The following LARP4B variants were observed in gnomAD, a reference collection of about 807,000 sequenced individuals.
LARP4B encodes the protein la-related protein 4B.
Under a neutral mutation model 89.8 loss-of-function variants are expected in LARP4B, and 12 were observed. That is an observed-to-expected ratio of 0.13 (90% CI 0.09 to 0.22). LARP4B has a LOEUF of 0.22. LARP4B is among the 10% of genes least tolerant of loss of function. The pLI, the probability that LARP4B is intolerant of heterozygous loss-of-function variation, is 1.00. For missense variants in LARP4B, 757 were observed against 947.7 expected (o/e 0.80, Z 2.64); for synonymous variants, 367 against 363.3 (o/e 1.01, Z -0.12).
chr10:881,848 C>A (rs959256229), intron 3 of LARP4B, among the ~76,000 whole-genome samples: 1 of 152,184 alleles, frequency 6.6e-6, no homozygotes, highest in Non-Finnish European at 1.5e-5. Context: ...TAGGGCTCCT[C>A]GAAGACGTGT....
Position 884,502 on chromosome 10 carries a change from T to G in LARP4B, c.86A>C (p.Asn29Thr), listed in dbSNP as rs1835791961. 1 of 1,597,154 alleles carries G rather than the reference T, an allele frequency of 6.3e-7. No individual in the cohort carries two copies. The highest frequency in any genetic ancestry group is 8.6e-7 in the Non-Finnish European group (1 of 1,165,032). ...AGAAGTGGTTTGAGATATAGGACCA[T>G]TCATCTGTAAAATTGAAAACAAAGA... is the stretch of plus-strand genomic sequence containing the variant. ...QEGKDSAHLM[N>T]GPISQTTSQT... Residue 29 changes from asparagine to threonine, a missense_variant, in exon 3 of 18, where the codon AAT becomes ACT. By Grantham distance (65) the Asn-to-Thr change is moderately conservative. This residue lies in a region of LARP4B where 175 missense variants were observed against 187.0 expected (regional missense o/e 0.94). Coordinates refer to ENST00000316157, the MANE Select transcript of LARP4B (RefSeq NM_015155.3).
At chr10:895,755 G>T (rs1377517744) in intron 1 of LARP4B, among the ~76,000 whole-genome samples, 7 of 150,030 alleles carry the variant, frequency 4.7e-5, no homozygotes, top group Admixed American at 4.6e-4. Context: ...ACTGCATAAA[G>T]ATTTAAAAAA....
intron 1 of LARP4B, among the ~76,000 whole-genome samples, chr10:907,633 A>G (rs1162273426): frequency 6.6e-6 from 1 of 152,180 alleles, no homozygotes; most frequent in Non-Finnish European, 1.5e-5. Context: ...GAGATCGTGA[A>G]ATATATATAT....
chr10:944,550 C>T, the LARP4B span, among the ~76,000 whole-genome samples: 2 of 152,344 alleles, frequency 1.3e-5, no homozygotes, highest in East Asian at 3.9e-4. Flanking sequence ...AACAGCATAG[C>T]CTATGTGCCT....
At chr10:864,502 C>G (rs1298650479) in intron 3 of LARP4B, among the ~76,000 whole-genome samples, 1 of 151,646 alleles carries the variant, frequency 6.6e-6, no homozygotes, top group Non-Finnish European at 1.5e-5. Flanking sequence ...CCAAGGCTTG[C>G]AGAGATGGGG....
At chr10:855,298 G>A (rs999795338) in intron 5 of LARP4B, among the ~76,000 whole-genome samples, 7 of 152,188 alleles carry the variant, frequency 4.6e-5, no homozygotes, top group African/African-American at 1.7e-4. Flanking sequence ...CAGAGACCGA[G>A]TTTTCAGCCT....
In LARP4B at chr10:916,165, T is replaced by C. The variant is rs565108238; in HGVS notation, c.-40+15263A>G. Among the ~76,000 whole-genome samples the C allele has an allele frequency of 1.2e-4, 18 of 152,292 alleles. 2 individuals carry two copies. In the South Asian group the frequency reaches 3.5e-3, roughly 30 times the overall value. On this transcript the variant is annotated intron_variant, in intron 1 of 17. Coordinates refer to ENST00000316157, the MANE Select transcript of LARP4B (RefSeq NM_015155.3). ...TTACATGAGATTTCTGAAATCCTGA[T>C]ATGTCTTGATATGTCAGACATAATT... is the stretch of plus-strand genomic sequence containing the variant.
At chr10:947,514 AAGG>A in the LARP4B span, among the ~76,000 whole-genome samples, 3 of 152,168 alleles carry the variant, frequency 2.0e-5, no homozygotes, top group Admixed American at 6.5e-5. Context: ...GTGGCCCTGG[AAGG>A]AGGAGGCTGA....
the LARP4B span, among the ~76,000 whole-genome samples, chr10:956,605 C>T: frequency 5.8e-4 from 89 of 152,242 alleles, no homozygotes; most frequent in African/African-American, 2.1e-3. This position sits in a 1 kb window ranked among gnomAD's most constrained non-coding sequence, Gnocchi z 4.3. Flanking sequence ...TCGGTATCCT[C>T]GGTATCCCAA....
At chr10:906,026 C>CAA (rs1287769931) in intron 1 of LARP4B, among the ~76,000 whole-genome samples, 1 of 152,210 alleles carries the variant, frequency 6.6e-6, no homozygotes, top group Non-Finnish European at 1.5e-5. Context: ...ATCAAATGGG[C>CAA]AATCATAAAG....
intron 5 of LARP4B, among the ~76,000 whole-genome samples, chr10:850,668 T>C (rs539705141): frequency 1.3e-5 from 2 of 152,320 alleles, no homozygotes; most frequent in African/African-American, 4.8e-5. Context: ...AAAACACATA[T>C]TCTTCTCAAG....
intron 1 of LARP4B, among the ~76,000 whole-genome samples, chr10:891,994 A>C (rs975539070): frequency 4.6e-5 from 7 of 152,276 alleles, no homozygotes; most frequent in Non-Finnish European, 1.0e-4. Context: ...AAATATTTTG[A>C]GATTTAAAAT....
intron 8 of LARP4B, among the ~76,000 whole-genome samples, chr10:831,628 C>T (rs994956500): frequency 3.3e-5 from 5 of 152,250 alleles, no homozygotes; most frequent in Admixed American, 1.3e-4. Context: ...GTTTTCCCAC[C>T]GGCCACAGTG....
At chr10:859,114 A>G (rs1042910753) in intron 5 of LARP4B, among the ~76,000 whole-genome samples, 2 of 152,102 alleles carry the variant, frequency 1.3e-5, no homozygotes, top group African/African-American at 4.8e-5. Flanking sequence ...CCCCGTATCT[A>G]CTAAAAATAC....
chr10:809,687 C>T lies in LARP4B; in HGVS notation c.*3239G>A, dbSNP rs975491519. On this transcript the variant is annotated 3_prime_UTR_variant, in exon 18 of 18. Transcript: ENST00000316157. ...CAGTCTTAATGAAGCAGAACAAAAA[C>T]GAAACCCTCGAGGAGCGACCACATG... 4 of 152,630 alleles carry T rather than the reference C, an allele frequency of 2.6e-5. No homozygotes were observed. Among genetic ancestry groups the T allele is most frequent in the African/African-American group, 4.8e-5 (2 of 41,436 alleles). 9.5% of individuals were successfully genotyped at this position (152,630 alleles called of 1,614,324 possible).
intron 1 of LARP4B, among the ~76,000 whole-genome samples, chr10:923,164 A>C (rs1268493914): frequency 6.6e-6 from 1 of 152,130 alleles, no homozygotes; most frequent in East Asian, 1.9e-4. Context: ...GAAACACTAA[A>C]TGCCAGTGTT....
At chr10:962,562 C>T in the LARP4B span, among the ~76,000 whole-genome samples, 1 of 152,156 alleles carries the variant, frequency 6.6e-6, no homozygotes, top group Admixed American at 6.5e-5. Context: ...ATGTGTGGGA[C>T]AAACCTGTTA....
intron 1 of LARP4B, among the ~76,000 whole-genome samples, chr10:918,632 CAAAAAAA>C (rs57396015): frequency 2.1e-3 from 103 of 48,376 alleles, no homozygotes; most frequent in African/African-American, 3.8e-3. Flanking sequence ...GACCCTGTCT[CAAAAAAA>C]AAAAAAAAAA....
the LARP4B span, among the ~76,000 whole-genome samples, chr10:957,188 G>A: frequency 6.6e-6 from 1 of 152,074 alleles, no homozygotes; most frequent in South Asian, 2.1e-4. Flanking sequence ...TTGAAACAAG[G>A]TCTTTGCTGT....
Sources: gnomAD v4.1 joint callset for allele counts (sites outside exome capture counted in the v4.1 genomes callset) on GRCh38, gnomAD v4.1.1 for gene constraint, gnomAD v4.1.1 regional missense constraint, Gnocchi (gnomAD v3.1) non-coding constraint, MANE v1.5 for transcripts, NCBI Gene and HGNC (gene_info 2026-07-23, HGNC 2026-07-21) for gene names.